Variants in LRRK2 observed in about 807,000 individuals in gnomAD.
LRRK2 encodes leucine rich repeat kinase 2.
Under a neutral mutation model 302.6 loss-of-function variants are expected in LRRK2, and 203 were observed. The observed-to-expected ratio is 0.67, with a 90% confidence interval of 0.60 to 0.75. LRRK2 has a LOEUF of 0.75. Among genes scored for constraint, LRRK2 ranks in the 30% least tolerant of loss-of-function variants. LRRK2 has a pLI of 0.00. For missense variants in LRRK2, 2,830 were observed against 2,951.0 expected (o/e 0.96, Z 0.95); for synonymous variants, 1,066 against 1,031.9 (o/e 1.03, Z -0.63).
intron 38 of LRRK2, among the ~76,000 whole-genome samples, chr12:40,327,431 A>C (rs1417626571): frequency 1.1e-4 from 16 of 152,180 alleles, no homozygotes; most frequent in African/African-American, 3.6e-4. Flanking sequence ...CTTTGAACCC[A>C]GACATTAGCG....
intron 3 of LRRK2, among the ~76,000 whole-genome samples, chr12:40,233,133 G>A (rs149770895): frequency 2.9e-4 from 44 of 152,218 alleles, no homozygotes; most frequent in African/African-American, 8.7e-4. Context: ...CCTGGGAGGC[G>A]GAGGTTGCAG....
intron 23 of LRRK2, among the ~76,000 whole-genome samples, chr12:40,297,660 C>T (rs1002945255): frequency 2.0e-5 from 3 of 151,772 alleles, no homozygotes; most frequent in Non-Finnish European, 2.9e-5. Context: ...GAGAGTATTA[C>T]GTACCTAAGT....
chr12:40,236,741 A>G (rs1941482841), intron 4 of LRRK2, among the ~76,000 whole-genome samples: 1 of 152,196 alleles, frequency 6.6e-6, no homozygotes, highest in African/African-American at 2.4e-5. Flanking sequence ...AGATGAGAGT[A>G]TGAGGGAAAA....
intron 30 of LRRK2, among the ~76,000 whole-genome samples, chr12:40,309,854 T>C (rs951283795): frequency 3.3e-5 from 5 of 152,194 alleles, no homozygotes; most frequent in African/African-American, 1.2e-4. Flanking sequence ...CATTTAACCA[T>C]GTAATTGGCT....
intron 2 of LRRK2, among the ~76,000 whole-genome samples, chr12:40,227,397 CTTAA>C (rs1198090532): frequency 6.6e-6 from 1 of 152,022 alleles, no homozygotes; most frequent in East Asian, 1.9e-4. Context: ...TAAATATTAA[CTTAA>C]TTGCTTGTAT....
chr12:40,343,411 A>C (rs1946107123), intron 41 of LRRK2, among the ~76,000 whole-genome samples: 1 of 152,240 alleles, frequency 6.6e-6, no homozygotes, highest in South Asian at 2.1e-4. Flanking sequence ...TATAAATACT[A>C]TAGTCTTCGG....
At chr12:40,271,283 A>T (rs1943223693) in intron 14 of LRRK2, among the ~76,000 whole-genome samples, 1 of 152,196 alleles carries the variant, frequency 6.6e-6, no homozygotes, top group African/African-American at 2.4e-5. Flanking sequence ...TGGGATTTAT[A>T]AAAGAAAAAG....
intron 35 of LRRK2, 57 bp from the exon 36 acceptor site, chr12:40,321,978 T>C (rs1945415837): frequency 6.4e-6 from 10 of 1,566,018 alleles, no homozygotes; most frequent in Non-Finnish European, 8.8e-6. Context: ...TTGTGTGCAG[T>C]AGATTTTTTC....
At chr12:40,295,928 T>G (rs953704873) in intron 23 of LRRK2, among the ~76,000 whole-genome samples, 1 of 152,206 alleles carries the variant, frequency 6.6e-6, no homozygotes, top group Non-Finnish European at 1.5e-5. Flanking sequence ...ACTTTAATCA[T>G]TTAATTCAAG....
intron 14 of LRRK2, among the ~76,000 whole-genome samples, chr12:40,265,686 AG>A (rs1253420251): frequency 6.6e-6 from 1 of 152,180 alleles, no homozygotes; most frequent in East Asian, 1.9e-4. Flanking sequence ...TAATGAGCAA[AG>A]GGTCAGTCTG....
intron 7 of LRRK2, among the ~76,000 whole-genome samples, chr12:40,246,712 C>A (rs1041813885): frequency 2.6e-5 from 4 of 152,022 alleles, no homozygotes; most frequent in Admixed American, 2.6e-4. Context: ...GACCTGGGAG[C>A]AGTTTAGGAT....
intron 16 of LRRK2, among the ~76,000 whole-genome samples, chr12:40,275,837 C>A (rs1318569625): frequency 6.6e-6 from 1 of 151,960 alleles, no homozygotes; most frequent in Non-Finnish European, 1.5e-5. Context: ...TCTCAAACTC[C>A]CTGGTCTCAA....
chr12:40,289,509 A>AT (rs1944060679), intron 20 of LRRK2, among the ~76,000 whole-genome samples: 1 of 149,272 alleles, frequency 6.7e-6, no homozygotes, highest in African/African-American at 2.4e-5. Flanking sequence ...ATTACCTATG[A>AT]TTTTAATGTA....
chr12:40,298,212 A>G (rs779573066), intron 23 of LRRK2, 31 bp from the exon 24 acceptor site: 2 of 1,609,114 alleles, frequency 1.2e-6, no homozygotes, highest in Admixed American at 3.3e-5. Flanking sequence ...CAGATGGTTC[A>G]CTTTAGAATT....
chr12:40,362,175 T>G (rs1021288587), intron 47 of LRRK2, among the ~76,000 whole-genome samples: 2 of 152,022 alleles, frequency 1.3e-5, no homozygotes, highest in Admixed American at 1.3e-4. Context: ...TATTTTCTAT[T>G]AAATACAGCA....
chr12:40,351,514 T>A, intron 43 of LRRK2, 25 bp from the exon 44 acceptor site: 1 of 1,609,474 alleles, frequency 6.2e-7, no homozygotes, highest in Non-Finnish European at 8.5e-7. Flanking sequence ...ATAAGTACTG[T>A]TTTGTTATCT....
At chr12:40,274,341 A>G (rs751259621) in intron 14 of LRRK2, among the ~76,000 whole-genome samples, 12 of 152,212 alleles carry the variant, frequency 7.9e-5, no homozygotes, top group African/African-American at 2.9e-4. Flanking sequence ...AGATTATGAA[A>G]AGAAAATGCC....
chr12:40,255,420 G>C lies in LRRK2; in HGVS notation c.1289-1828G>C, dbSNP rs563262595. ...TGGATGAGATCAAGAGTATTACGTA[G>C]ATAGCTGGTAAATGCGATAGTGTGT... On this transcript the variant is annotated intron_variant, in intron 11 of 50. Transcript: ENST00000298910. 4.3e-4 allele frequency among the ~76,000 whole-genome samples: 66 copies of C among 152,272 alleles called. 1 individual carries two copies. Among genetic ancestry groups the C allele is most frequent in the African/African-American group, 1.4e-3 (57 of 41,572 alleles).
chr12:40,325,859 G>T (rs1003960808), intron 38 of LRRK2, among the ~76,000 whole-genome samples: 5 of 152,100 alleles, frequency 3.3e-5, no homozygotes, highest in Non-Finnish European at 7.4e-5. Flanking sequence ...GAATAGACTT[G>T]TTTTGTGAAT....
Sources: allele counts gnomAD v4.1 joint callset (sites outside exome capture counted in the v4.1 genomes callset), GRCh38; gene constraint gnomAD v4.1.1; transcripts MANE v1.5; gene names NCBI Gene and HGNC (gene_info 2026-07-23, HGNC 2026-07-21).